The following TBCD variants were observed in gnomAD, a reference collection of about 807,000 sequenced individuals.
TBCD encodes tubulin folding cofactor D, also known as tubulin-specific chaperone D.
Under a neutral mutation model 169.3 loss-of-function variants are expected in TBCD, and 105 were observed. The observed-to-expected ratio is 0.62, with a 90% CI of 0.53 to 0.73. The LOEUF is 0.73. TBCD is among the 30% of genes least tolerant of loss of function. TBCD has a pLI of 0.00. For missense variants in TBCD, 1,444 were observed against 1,600.1 expected (o/e 0.90, Z 1.66); for synonymous variants, 700 against 643.9 (o/e 1.09, Z -1.32).
intron 14 of TBCD, among the ~76,000 whole-genome samples, chr17:82,877,170 T>G (rs1239633604): frequency 1.3e-5 from 2 of 152,238 alleles, no homozygotes; most frequent in Non-Finnish European, 1.5e-5. Context: ...GTTCCTCTTG[T>G]GGCAAATGTT....
At chr17:82,925,539 G>C (rs1004229043) in intron 27 of TBCD, among the ~76,000 whole-genome samples, 2 of 152,082 alleles carry the variant, frequency 1.3e-5, no homozygotes, top group African/African-American at 2.4e-5. Context: ...GGGAACTCCT[G>C]CTTGTCTCCC....
chr17:82,858,966 C>T (rs1285272300), intron 13 of TBCD, among the ~76,000 whole-genome samples: 1 of 152,222 alleles, frequency 6.6e-6, no homozygotes, highest in African/African-American at 2.4e-5. Flanking sequence ...GGGTCTTGGG[C>T]CGTGAGGCCG....
chr17:82,809,714 T>G lies in TBCD; in HGVS notation c.1155T>G (p.Gly385=). 6.2e-7 allele frequency: 1 copy of G among 1,612,972 alleles called. No homozygotes were observed. The highest frequency in any genetic ancestry group is 8.5e-7 in the Non-Finnish European group (1 of 1,179,358). ...TGCTGCGTTTCTCTTTCAGCATCGG[T>G]AGGATGGCTGGCAGGCTTCCCAGAG... The part of the protein sequence containing the change: ...VVRWSAAKGI[G]RMAGRLPRAL... Residue 385 remains glycine, a synonymous_variant, in exon 12 of 39, where the codon GGT becomes GGG. Coordinates refer to ENST00000355528, the MANE Select transcript of TBCD (RefSeq NM_005993.5).
intron 11 of TBCD, 29 bp from the exon 12 acceptor site, chr17:82,809,679 C>T: frequency 6.2e-7 from 1 of 1,608,436 alleles, no homozygotes; most frequent in Non-Finnish European, 8.5e-7. Flanking sequence ...TGGTGGTGCC[C>T]CTGACGGATT....
chr17:82,924,961 G>A lies in TBCD; in HGVS notation c.2283G>A (p.Leu761=). 1 of 1,569,660 alleles carries A rather than the reference G, an allele frequency of 6.4e-7. No individual in the cohort carries two copies. Among genetic ancestry groups the A allele is most frequent in the South Asian group, 1.2e-5 (1 of 85,296 alleles). ...CAGAGGAGCTGATCACGCAGTACCT[G>A]GCTGAGCTTCGGAACCCCGAGGAGA... is the stretch of plus-strand genomic sequence containing the variant. ...AIQEELITQY[L]AELRNPEEMT... Residue 761 remains leucine (L), a synonymous_variant, in exon 27 of 39, where the codon CTG becomes CTA. Coordinates refer to ENST00000355528, the MANE Select transcript of TBCD (RefSeq NM_005993.5).
intron 13 of TBCD, among the ~76,000 whole-genome samples, chr17:82,861,857 A>G (rs1373675508): frequency 6.6e-6 from 1 of 152,188 alleles, no homozygotes; most frequent in East Asian, 1.9e-4. Context: ...AGGTGCTTTC[A>G]TAGAGAACGT....
chr17:82,780,818 G>A (rs1198791332), intron 6 of TBCD, among the ~76,000 whole-genome samples: 2 of 151,638 alleles, frequency 1.3e-5, no homozygotes, highest in Non-Finnish European at 2.9e-5. Flanking sequence ...CTAATTTTTT[G>A]TGTATTTTTA....
At chr17:82,871,161 C>G (rs2057529482) in intron 14 of TBCD, among the ~76,000 whole-genome samples, 1 of 151,900 alleles carries the variant, frequency 6.6e-6, no homozygotes, top group African/African-American at 2.4e-5. Context: ...GCGCACCCAG[C>G]TGAGCCCCGT....
rs779180075 is a variant in TBCD at position 82,752,329 on chromosome 17, G to A, written c.136G>A (p.Val46Met). 188 of 1,438,324 alleles carry A rather than the reference G, an allele frequency of 1.3e-4. No homozygotes were observed. The highest frequency in any genetic ancestry group is 1.7e-4 in the Non-Finnish European group (185 of 1,107,834). 89.1% of individuals were successfully genotyped at this position (1,438,324 alleles called of 1,614,324 possible). A position where few individuals can be genotyped will look rare whatever the true frequency, so the allele number is the denominator to read the frequency against. The change falls in exon 1 of 39, where the codon GTG (valine) becomes ATG (methionine). Residue 46 changes from valine (V) to methionine (M), a missense_variant. Transcript: ENST00000355528. Reference sequence around the variant, plus strand: ...GGCGCTGCTGGGCCGCCTGCGGGAGGTGCACGGCGGCGGCGCGGAGCGCGA... The same window carrying A: ...GGCGCTGCTGGGCCGCCTGCGGGAGATGCACGGCGGCGGCGCGGAGCGCGA... Reference protein sequence around the residue: ...TRALLGRLREVHGGGAEREVA... With the variant: ...TRALLGRLREMHGGGAEREVA...
intron 13 of TBCD, among the ~76,000 whole-genome samples, chr17:82,815,466 G>A (rs1354914925): frequency 6.6e-6 from 1 of 152,244 alleles, no homozygotes; most frequent in Non-Finnish European, 1.5e-5. Context: ...GTGGGAACTG[G>A]GGTGGAGGGC....
chr17:82,797,300 C>T (rs534609747), intron 7 of TBCD, among the ~76,000 whole-genome samples: 3 of 152,270 alleles, frequency 2.0e-5, no homozygotes, highest in East Asian at 1.9e-4. Flanking sequence ...GAGCTGGTCA[C>T]CCTTCTCATT....
intron 13 of TBCD, among the ~76,000 whole-genome samples, chr17:82,842,391 CT>C (rs2054593515): frequency 6.6e-6 from 1 of 152,232 alleles, no homozygotes; most frequent in Non-Finnish European, 1.5e-5. Context: ...CTCTCTCCCC[CT>C]CTCTCCCTTC....
chr17:82,795,726 G>C (rs933643530), intron 7 of TBCD: 5 of 513,502 alleles, frequency 9.7e-6, no homozygotes, highest in South Asian at 8.4e-5. Flanking sequence ...TGGGGTGCAG[G>C]GGGCCGTTTG....
Position 82,903,441 on chromosome 17 carries a change from C to T in TBCD, c.1767C>T (p.Asn589=), listed in dbSNP as rs776716963. Residue 589 remains asparagine (N), a synonymous_variant, in exon 19 of 39, where the codon AAC becomes AAT. Coordinates refer to ENST00000355528, the MANE Select transcript of TBCD (RefSeq NM_005993.5). The surrounding 1 kb of genome is among the most constrained non-coding windows in gnomAD (Gnocchi z 4.8). ...AGTTGGCTGCGAGGGCGCTGCACAA[C>T]CTGGCCCAGCAGGCACCCGAGTTCA... is the stretch of plus-strand genomic sequence containing the variant. ...IRELAARALH[N]LAQQAPEFSA... is the part of the protein sequence containing the mutation. 4 of 1,603,880 alleles carry T rather than the reference C, an allele frequency of 2.5e-6. No homozygotes were observed. Among genetic ancestry groups the T allele is most frequent in the Non-Finnish European group, 3.4e-6 (4 of 1,175,310 alleles).
At chr17:82,892,929 C>T (rs117467487) in intron 16 of TBCD, 5,809 of 152,254 alleles carry the variant, frequency 0.038, 141 homozygotes, top group South Asian at 0.058. Flanking sequence ...GAGGAGGTGC[C>T]GCCTCTCCCA....
chr17:82,827,700 C>A (rs530341469), intron 13 of TBCD, among the ~76,000 whole-genome samples: 1 of 152,188 alleles, frequency 6.6e-6, no homozygotes, highest in African/African-American at 2.4e-5. Flanking sequence ...ATAGCACACA[C>A]CCACACAATC....
At chr17:82,893,503 T>A (rs775006621) in intron 16 of TBCD, 44 bp from the exon 17 acceptor site, 7 of 1,433,168 alleles carry the variant, frequency 4.9e-6, no homozygotes, top group Non-Finnish European at 5.8e-6. Flanking sequence ...ATGCCTTTGT[T>A]CATTCAAATT....
Position 82,812,796 on chromosome 17 carries a change from C to T in TBCD, c.1224-2044C>T, listed in dbSNP as rs369057814. On this transcript the variant is annotated intron_variant, in intron 12 of 38. Transcript: ENST00000355528. ...GACCTTGTGATCAGCCCGCCTCGGCCTCCCGGAGTGCTGGGATGACAGGCT... is the reference window on the plus strand; with the variant it reads ...GACCTTGTGATCAGCCCGCCTCGGCTTCCCGGAGTGCTGGGATGACAGGCT... Among the ~76,000 whole-genome samples, 34 of 152,302 alleles carry T rather than the reference C, an allele frequency of 2.2e-4. No individual in the cohort carries two copies. In the East Asian group the frequency reaches 4.3e-3, roughly 19 times the overall value.
intron 14 of TBCD, among the ~76,000 whole-genome samples, chr17:82,876,610 C>G (rs2057995744): frequency 6.6e-6 from 1 of 152,158 alleles, no homozygotes; most frequent in Non-Finnish European, 1.5e-5. Context: ...TAATAAATGT[C>G]CAAATCAGGA....
Sources: gnomAD v4.1 joint callset for allele counts (sites outside exome capture counted in the v4.1 genomes callset) on GRCh38, gnomAD v4.1.1 for gene constraint, Gnocchi (gnomAD v3.1) non-coding constraint, MANE v1.5 for transcripts, NCBI Gene and HGNC (gene_info 2026-07-23, HGNC 2026-07-21) for gene names.